The following TMTC1 variants were observed in gnomAD, a reference collection of about 807,000 sequenced individuals.
TMTC1 encodes the protein transmembrane O-mannosyltransferase targeting cadherins 1, also known as protein O-mannosyl-transferase TMTC1.
A neutral mutation model predicts 104.8 loss-of-function variants in TMTC1; 73 were observed. The observed-to-expected ratio is 0.70, with a 90% CI of 0.58 to 0.85. TMTC1 has a LOEUF of 0.85. TMTC1 is among the 40% of genes least tolerant of loss of function. The pLI is 0.00. For synonymous variants in TMTC1, 434 were observed against 428.7 expected (o/e 1.01, Z -0.15); for missense variants, 1,035 against 1,096.1 (o/e 0.94, Z 0.79).
At chr12:29,709,846 G>A (rs935372166) in intron 5 of TMTC1, among the ~76,000 whole-genome samples, 2 of 152,158 alleles carry the variant, frequency 1.3e-5, no homozygotes, top group Non-Finnish European at 2.9e-5. Context: ...CTAACCTGTA[G>A]GATAGGTTTC....
intron 9 of TMTC1, among the ~76,000 whole-genome samples, chr12:29,568,151 T>G (rs562867981): frequency 2.0e-5 from 3 of 152,282 alleles, no homozygotes; most frequent in African/African-American, 7.2e-5. Context: ...TCAGAAAGAT[T>G]TTAGTTCTAC....
chr12:29,736,261 CAAA>C (rs367958905), intron 5 of TMTC1, among the ~76,000 whole-genome samples: 37 of 88,528 alleles, frequency 4.2e-4, no homozygotes, highest in Admixed American at 5.9e-4. Flanking sequence ...TAGGTAAAGC[CAAA>C]AAAAAAAAAA....
intron 9 of TMTC1, among the ~76,000 whole-genome samples, chr12:29,558,047 A>C (rs1945290759): frequency 1.3e-5 from 2 of 152,246 alleles, no homozygotes; most frequent in Non-Finnish European, 2.9e-5. Context: ...TGAGGTGGAC[A>C]TCAGTATATC....
At chr12:29,543,333 C>T (rs1399612869) in intron 10 of TMTC1, among the ~76,000 whole-genome samples, 5 of 152,150 alleles carry the variant, frequency 3.3e-5, no homozygotes, top group Non-Finnish European at 5.9e-5. Context: ...GTAAGTTTGT[C>T]AATTTAGAGA....
At chr12:29,643,682 TTATA>T (rs1565733475) in intron 5 of TMTC1, among the ~76,000 whole-genome samples, 2 of 1,130 alleles carry the variant, frequency 1.8e-3, no homozygotes, top group Non-Finnish European at 2.4e-3. Context: ...TATCTATATA[TTATA>T]TATATTATAT....
In TMTC1 at chr12:29,602,335, G is replaced by T. The variant is rs187751821; in HGVS notation, c.1250+1843C>A. Among the ~76,000 whole-genome samples the T allele has an allele frequency of 7.4e-4, 113 of 152,098 alleles. 1 individual carries two copies. Among genetic ancestry groups the T allele is most frequent in the African/African-American group, 2.7e-3 (110 of 41,492 alleles). On this transcript the variant is annotated intron_variant, in intron 7 of 17. Transcript: ENST00000539277. Reference sequence around the variant, plus strand: ...TTTTTGTTATTTTCTGTAGAGGCAGGGTCTCACCATGTTGCCCAGGCTGGC... The same window carrying T: ...TTTTTGTTATTTTCTGTAGAGGCAGTGTCTCACCATGTTGCCCAGGCTGGC...
chr12:29,682,621 CATT>C (rs1332614482), intron 5 of TMTC1, among the ~76,000 whole-genome samples: 1 of 152,090 alleles, frequency 6.6e-6, no homozygotes, highest in African/African-American at 2.4e-5. Flanking sequence ...ATCTAAAAGA[CATT>C]ATGGTGAAAA....
chr12:29,693,917 C>T (rs1941338221), intron 5 of TMTC1, among the ~76,000 whole-genome samples: 1 of 152,134 alleles, frequency 6.6e-6, no homozygotes, highest in Non-Finnish European at 1.5e-5. Context: ...ATATCTGGTT[C>T]ATGTAGTATA....
intron 7 of TMTC1, among the ~76,000 whole-genome samples, chr12:29,591,002 G>A (rs1488401699): frequency 1.3e-5 from 2 of 152,074 alleles, no homozygotes; most frequent in African/African-American, 4.8e-5. Context: ...CCAGAATGAA[G>A]GAGAACACAT....
At chr12:29,663,884 G>A (rs1231029765) in intron 5 of TMTC1, among the ~76,000 whole-genome samples, 2 of 152,030 alleles carry the variant, frequency 1.3e-5, no homozygotes, top group Admixed American at 1.3e-4. Flanking sequence ...TATTTGTAAA[G>A]TGTCCCCTGG....
intron 8 of TMTC1, among the ~76,000 whole-genome samples, chr12:29,582,333 G>A (rs1347264337): frequency 2.0e-5 from 3 of 152,178 alleles, no homozygotes; most frequent in South Asian, 4.1e-4. Flanking sequence ...TGAGAAGTCT[G>A]GGTGGAACCC....
intron 10 of TMTC1, among the ~76,000 whole-genome samples, chr12:29,547,399 T>G (rs1368388945): frequency 6.6e-6 from 1 of 151,824 alleles, no homozygotes; most frequent in Non-Finnish European, 1.5e-5. Flanking sequence ...ATGAGTGGAG[T>G]TGCAGTAGGG....
At chr12:29,642,752 C>A (rs1394062143) in intron 5 of TMTC1, among the ~76,000 whole-genome samples, 1 of 151,936 alleles carries the variant, frequency 6.6e-6, no homozygotes, top group Non-Finnish European at 1.5e-5. Flanking sequence ...GGTGAAACCC[C>A]GTCTCCACTA....
At chr12:29,715,808 G>A (rs911514132) in intron 5 of TMTC1, among the ~76,000 whole-genome samples, 1 of 151,884 alleles carries the variant, frequency 6.6e-6, no homozygotes, top group African/African-American at 2.4e-5. Flanking sequence ...TGAACAAAGG[G>A]GAAAAAGCCT....
intron 5 of TMTC1, among the ~76,000 whole-genome samples, chr12:29,723,239 TG>T (rs1266553111): frequency 6.6e-6 from 1 of 152,118 alleles, no homozygotes; most frequent in Non-Finnish European, 1.5e-5. Context: ...CTCCCAACAT[TG>T]ATCTATATAG....
At position 29,572,120 on chromosome 12, in the gene TMTC1, T is replaced by C. The variant is rs1945695098; in HGVS notation, c.1517A>G (p.Tyr506Cys). Residue 506 changes from tyrosine (Y) to cysteine (C), a missense_variant, in exon 9 of 18, where the codon TAC (tyrosine) becomes TGC (cysteine). Physicochemically the swap from Tyr to Cys is radical, Grantham distance 194. Transcript: ENST00000539277. Reference protein sequence around the residue: ...QGRNKEAIYHYRTALKLYPRH... With the variant: ...QGRNKEAIYHCRTALKLYPRH... ...TGGCGCTTACTTGAGAGCTGTTCTG[T>C]AGTGGTAGATCGCTTCCTTGTTCCG... 3 of 1,613,844 alleles carry C rather than the reference T, an allele frequency of 1.9e-6. No homozygotes were observed. The highest frequency in any genetic ancestry group is 1.7e-6 in the Non-Finnish European group (2 of 1,179,750).
At chr12:29,618,737 T>C (rs989387846) in intron 6 of TMTC1, among the ~76,000 whole-genome samples, 1 of 152,196 alleles carries the variant, frequency 6.6e-6, no homozygotes, top group African/African-American at 2.4e-5. Flanking sequence ...TTGTTTTAGC[T>C]GCTTTTATCT....
intron 5 of TMTC1, among the ~76,000 whole-genome samples, chr12:29,722,851 G>T (rs1024673494): frequency 6.6e-6 from 1 of 150,536 alleles, no homozygotes; most frequent in Non-Finnish European, 1.5e-5. Flanking sequence ...AACCCGGGAG[G>T]CAGAGGTTGC....
At chr12:29,648,195 A>C (rs779436330) in intron 5 of TMTC1, among the ~76,000 whole-genome samples, 5 of 152,204 alleles carry the variant, frequency 3.3e-5, no homozygotes, top group Non-Finnish European at 7.3e-5. Context: ...CATAAAAAAC[A>C]TGGAAGCAGA....
Sources: gnomAD v4.1 joint callset for allele counts (sites outside exome capture counted in the v4.1 genomes callset) on GRCh38, gnomAD v4.1.1 for gene constraint, MANE v1.5 for transcripts, NCBI Gene and HGNC (gene_info 2026-07-23, HGNC 2026-07-21) for gene names.